The following ADCY3 variants were observed in gnomAD, a reference collection of about 807,000 sequenced individuals.
The protein encoded by ADCY3 is adenylate cyclase 3, also known as adenylate cyclase type 3.
Under a neutral mutation model 119.4 loss-of-function variants are expected in ADCY3, and 70 were observed. That is an observed-to-expected ratio of 0.59 (90% CI 0.48 to 0.72). The LOEUF (loss-of-function observed/expected upper bound fraction) is 0.72. Ranked by LOEUF, ADCY3 falls within the 30% of genes least tolerant of loss-of-function variation. The probability of loss-of-function intolerance (pLI) is 0.00; values close to 1 mark genes in which losing one functional copy is unlikely to be tolerated. For synonymous variants in ADCY3, 672 were observed against 621.4 expected, an observed-to-expected ratio of 1.08 and a Z score of -1.21; for missense variants, 1,238 against 1,541.6, an observed-to-expected ratio of 0.80 and a Z score of 3.30.
At position 24,823,249 on chromosome 2, in the gene ADCY3, C is replaced by T; in HGVS notation, c.2843G>A (p.Cys948Tyr). 1 of 1,613,220 alleles carries T rather than the reference C, an allele frequency of 6.2e-7. No individual in the cohort carries two copies. Among genetic ancestry groups the T allele is most frequent in the Non-Finnish European group, 8.5e-7 (1 of 1,179,870 alleles). Residue 948 changes from cysteine (C) to tyrosine (Y), a missense_variant, in exon 18 of 22, where the codon TGT becomes TAT. Transcript: ENST00000679454. Reference protein sequence around the residue: ...EESINNGGIECLRFLNEIISD... With the variant: ...EESINNGGIEYLRFLNEIISD... ...GATGATTTCATTGAGGAAACGCAGA[C>T]ACTCAATACCACCATTGTTGATGCT...
At chr2:24,916,937 T>C (rs1182721040) in intron 2 of ADCY3, among the ~76,000 whole-genome samples, 2 of 152,224 alleles carry the variant, frequency 1.3e-5, no homozygotes, top group African/African-American at 2.4e-5. Flanking sequence ...TCCCGTCCTG[T>C]TTCTGCCACC....
chr2:24,870,806 T>A (rs1376818553), intron 3 of ADCY3, among the ~76,000 whole-genome samples: 1 of 152,206 alleles, frequency 6.6e-6, no homozygotes, highest in Admixed American at 6.5e-5. Context: ...AAAAAAGCTC[T>A]ATGGGTTACA....
Position 24,898,093 on chromosome 2 carries a change from C to T in ADCY3, c.675+20220G>A, listed in dbSNP as rs944219414. Among the ~76,000 whole-genome samples, 3 of 152,146 alleles carry T rather than the reference C, an allele frequency of 2.0e-5. No individual in the cohort carries two copies. The highest frequency in any genetic ancestry group is 1.3e-4 in the Admixed American group (2 of 15,278). On this transcript the variant is annotated intron_variant, in intron 2 of 21. Transcript: ENST00000679454. The surrounding 1 kb of genome is among the most constrained non-coding windows in gnomAD (Gnocchi z 4.3). ...TTTGTTACTACTGCACCCAACTCTC[C>T]AGTCAGAGGTTCTCCACTACCCCGT...
Position 24,918,267 on chromosome 2 carries a change from G to A in ADCY3, c.675+46C>T. 1.3e-6 allele frequency: 2 copies of A among 1,512,112 alleles called. No individual in the cohort carries two copies. Among genetic ancestry groups the A allele is most frequent in the Non-Finnish European group, 1.8e-6 (2 of 1,132,014 alleles). The allele number at this position is 1,512,112 out of a possible 1,614,324, so 93.7% of individuals were successfully genotyped here. ...ACTCCAACAGGTCCCAAGTTGGTGA[G>A]AGCTGCAGGAGAGGACGCTGTGGGG... On this transcript the variant is annotated intron_variant, in intron 2 of 21. Coordinates refer to ENST00000679454, the MANE Select transcript of ADCY3 (RefSeq NM_004036.5). This position sits in a 1 kb window ranked among gnomAD's most constrained non-coding sequence, Gnocchi z 5.4.
At chr2:24,879,369 C>A (rs1430087163) in intron 2 of ADCY3, among the ~76,000 whole-genome samples, 3 of 146,744 alleles carry the variant, frequency 2.0e-5, no homozygotes, top group African/African-American at 7.6e-5. Context: ...AGGAGAACGG[C>A]ATGAACCCGG....
At chr2:24,896,378 C>T (rs1179052483) in intron 2 of ADCY3, among the ~76,000 whole-genome samples, 1 of 151,486 alleles carries the variant, frequency 6.6e-6, no homozygotes, top group Non-Finnish European at 1.5e-5. Context: ...AAGTGAGATT[C>T]TGTTACAAAA....
rs1572776189 is a variant in ADCY3 at position 24,822,552 on chromosome 2, T to C, written c.2962A>G (p.Thr988Ala). 4 of 1,613,750 alleles carry C rather than the reference T, an allele frequency of 2.5e-6. No homozygotes were observed. The highest frequency in any genetic ancestry group is 3.4e-6 in the Non-Finnish European group (4 of 1,179,912). ...GSTYMAASGV[T>A]PDVNTNGFAS... ...AAGCCATTGGTGTTGACATCGGGGG[T>C]GACTCCTGAAGCCGCCATATACGTG... The change falls in exon 19 of 22, where the codon ACC (threonine) becomes GCC (alanine). Residue 988 changes from threonine (T) to alanine (A), a missense_variant. Thr to Ala is a moderately conservative substitution (Grantham distance 58). Coordinates refer to ENST00000679454, the MANE Select transcript of ADCY3 (RefSeq NM_004036.5).
At chr2:24,849,569 G>C (rs1672052072) in intron 3 of ADCY3, among the ~76,000 whole-genome samples, 2 of 152,184 alleles carry the variant, frequency 1.3e-5, no homozygotes, top group African/African-American at 4.8e-5. Context: ...TAACAAGAAA[G>C]GAGCTATGCT....
At chr2:24,854,720 G>A (rs1342750995) in intron 3 of ADCY3, among the ~76,000 whole-genome samples, 2 of 152,072 alleles carry the variant, frequency 1.3e-5, no homozygotes, top group Non-Finnish European at 2.9e-5. Context: ...GGGTTAGAAG[G>A]GGGACACCTA....
At chr2:24,854,293 AG>A (rs1672749692) in intron 3 of ADCY3, among the ~76,000 whole-genome samples, 2 of 152,242 alleles carry the variant, frequency 1.3e-5, no homozygotes, top group African/African-American at 2.4e-5. Flanking sequence ...GAAGAAACAA[AG>A]CATGTTTAAA....
chr2:24,829,317 C>A (rs1412284237), intron 13 of ADCY3, among the ~76,000 whole-genome samples: 1 of 151,882 alleles, frequency 6.6e-6, no homozygotes, highest in Non-Finnish European at 1.5e-5. Flanking sequence ...GCGCCCGGCC[C>A]CCCACTGGAC....
At chr2:24,864,116 G>A (rs182264088) in intron 3 of ADCY3, among the ~76,000 whole-genome samples, 7 of 152,218 alleles carry the variant, frequency 4.6e-5, no homozygotes, top group East Asian at 1.9e-4. Context: ...GTGAAACCCC[G>A]TCTCTACTAA....
At chr2:24,857,753 A>T (rs1443930766) in intron 3 of ADCY3, among the ~76,000 whole-genome samples, 1 of 152,160 alleles carries the variant, frequency 6.6e-6, no homozygotes, top group African/African-American at 2.4e-5. Flanking sequence ...CTTGACCCAG[A>T]TGCAGCAACT....
At chr2:24,831,907 A>ACAGTGGC (rs1553336728) in intron 11 of ADCY3, among the ~76,000 whole-genome samples, 158 bp from the exon 12 acceptor site, 9 of 88,464 alleles carry the variant, frequency 1.0e-4, no homozygotes, top group Non-Finnish European at 1.4e-4. Context: ...GGGACAGCGG[A>ACAGTGGC]CAGGGGCCAG....
chr2:24,843,118 G>A lies in ADCY3; in HGVS notation c.826-734C>T, dbSNP rs541222134. On this transcript the variant is annotated intron_variant, in intron 3 of 21. Transcript: ENST00000679454. ...ACAAACGCACAGACACACGCAAAGC[G>A]CACCAGGGTCCTTCAGGGATTTCTG... Among the ~76,000 whole-genome samples, 11 of 152,336 alleles carry A rather than the reference G, an allele frequency of 7.2e-5. No homozygotes were observed. In the South Asian group the frequency reaches 1.0e-3, roughly 14 times the overall value.
chr2:24,910,511 A>G (rs1027995351), intron 2 of ADCY3, among the ~76,000 whole-genome samples: 1 of 152,208 alleles, frequency 6.6e-6, no homozygotes, highest in Admixed American at 6.5e-5. Context: ...ACTCAGTAAC[A>G]CTGAGTAATG....
chr2:24,858,688 C>T (rs111975250), intron 3 of ADCY3, among the ~76,000 whole-genome samples: 8 of 152,372 alleles, frequency 5.3e-5, no homozygotes, highest in African/African-American at 1.7e-4. Flanking sequence ...TACAGTTCTC[C>T]AGCAATTCTA....
chr2:24,872,481 C>A lies in ADCY3; in HGVS notation c.825+89G>T. 1 of 1,500,492 alleles carries A rather than the reference C, an allele frequency of 6.7e-7. No individual in the cohort carries two copies. Among genetic ancestry groups the A allele is most frequent in the Non-Finnish European group, 9.0e-7 (1 of 1,111,110 alleles). 92.9% of individuals were successfully genotyped at this position (1,500,492 alleles called of 1,614,324 possible). ...GGATGAACGCCAAGCCCCACGGAGC[C>A]AGGGGCTGCCGCTCTGGTTCCTCTC... is the stretch of plus-strand genomic sequence containing the variant. On this transcript the variant is annotated intron_variant, in intron 3 of 21. Transcript: ENST00000679454. The surrounding 1 kb of genome is among the most constrained non-coding windows in gnomAD (Gnocchi z 4.4).
chr2:24,826,279 C>A, intron 15 of ADCY3, 153 bp from the exon 16 acceptor site: 1 of 651,008 alleles, frequency 1.5e-6, no homozygotes, highest in Non-Finnish European at 2.7e-6. Flanking sequence ...CGGGCTCCCC[C>A]GGGCAGTAAA....
Sources: allele counts gnomAD v4.1 joint callset (sites outside exome capture counted in the v4.1 genomes callset), GRCh38; gene constraint gnomAD v4.1.1; non-coding constraint Gnocchi (gnomAD v3.1); transcripts MANE v1.5; gene names NCBI Gene and HGNC (gene_info 2026-07-23, HGNC 2026-07-21).